Variants in SNX7 observed in about 807,000 individuals in gnomAD.
SNX7 encodes sorting nexin 7, also known as sorting nexin-7.
In SNX7, 35 loss-of-function variants were observed where a neutral mutation model predicts 48.4. The observed-to-expected ratio is 0.72, with a 90% CI of 0.55 to 0.96. The LOEUF (loss-of-function observed/expected upper bound fraction) is 0.96. Ranked by LOEUF, SNX7 falls within the 40% of genes least tolerant of loss-of-function variation. The pLI, the probability that SNX7 is intolerant of heterozygous loss-of-function variation, is 0.00. For missense variants in SNX7, 553 were observed against 548.9 expected (o/e 1.01, Z -0.07); for synonymous variants, 190 against 190.2 (o/e 1.00, Z 0.01).
At chr1:98,709,139 A>G (rs1652170251) in intron 7 of SNX7, among the ~76,000 whole-genome samples, 1 of 152,186 alleles carries the variant, frequency 6.6e-6, no homozygotes, top group Non-Finnish European at 1.5e-5. Context: ...TGCCTTCCGT[A>G]GAGTGTTGTT....
intron 8 of SNX7, among the ~76,000 whole-genome samples, chr1:98,755,975 C>T (rs75117614): frequency 1.4e-4 from 22 of 151,984 alleles, no homozygotes; most frequent in African/African-American, 5.3e-4. Context: ...TTTGTTCTGT[C>T]TGTACATTGT....
Position 98,701,864 on chromosome 1 carries a change from A to C in SNX7, c.1086A>C (p.Lys362Asn). The C allele has an allele frequency of 6.2e-7, 1 of 1,611,552 alleles. No homozygotes were observed. The highest frequency in any genetic ancestry group is 1.3e-5 in the African/African-American group (1 of 74,934). ...RDQIQAELDS[K>N]VEVLTYKKAD... ...AAATACAAGCAGAACTGGATTCCAA[A>C]GTTGAAGTTTTGACCTATAAAAAGG... The change falls in exon 7 of 9, where the codon AAA (lysine) becomes AAC (asparagine). Residue 362 changes from lysine (K) to asparagine (N), a missense_variant. Coordinates refer to ENST00000306121, the MANE Select transcript of SNX7 (RefSeq NM_015976.5).
intron 7 of SNX7, among the ~76,000 whole-genome samples, chr1:98,704,761 G>A (rs1651930719): frequency 6.6e-6 from 1 of 152,140 alleles, no homozygotes; most frequent in Non-Finnish European, 1.5e-5. Context: ...CATTTCTATG[G>A]AGACATTGGG....
At chr1:98,725,722 A>G (rs1400792793) in intron 7 of SNX7, among the ~76,000 whole-genome samples, 1 of 152,064 alleles carries the variant, frequency 6.6e-6, no homozygotes, top group East Asian at 1.9e-4. Context: ...TAGGGTATTT[A>G]CATTCCATAA....
chr1:98,711,707 A>T (rs1410371143), intron 7 of SNX7, among the ~76,000 whole-genome samples: 1 of 152,172 alleles, frequency 6.6e-6, no homozygotes, highest in African/African-American at 2.4e-5. Flanking sequence ...GTGTTGGTTG[A>T]TGAAGATTGG....
intron 7 of SNX7, among the ~76,000 whole-genome samples, chr1:98,702,275 T>G (rs1478074208): frequency 6.6e-6 from 1 of 152,164 alleles, no homozygotes; most frequent in Non-Finnish European, 1.5e-5. Context: ...TTATATACAT[T>G]AATGTTCCTG....
chr1:98,725,455 A>AG (rs1653113639), intron 7 of SNX7, among the ~76,000 whole-genome samples: 1 of 152,190 alleles, frequency 6.6e-6, no homozygotes. Context: ...ACATTTCACA[A>AG]GGGGGCACTG....
intron 7 of SNX7, among the ~76,000 whole-genome samples, chr1:98,719,114 A>G (rs554725619): frequency 2.8e-4 from 42 of 152,304 alleles, no homozygotes; most frequent in Middle Eastern, 6.8e-3. Context: ...GATCTTGAGC[A>G]AATTAGCTAA....
At chr1:98,684,262 T>C (rs1228599084) in intron 1 of SNX7, among the ~76,000 whole-genome samples, 2 of 152,224 alleles carry the variant, frequency 1.3e-5, no homozygotes, top group Non-Finnish European at 2.9e-5. Flanking sequence ...ATAGTTTTTT[T>C]CTTCTTATTC....
At chr1:98,662,553 T>C in intron 1 of SNX7, 1 of 739,412 alleles carries the variant, frequency 1.4e-6, no homozygotes, top group East Asian at 6.9e-5. Flanking sequence ...CCCCGGGAAA[T>C]TTAGGACCAA....
At chr1:98,670,993 G>A (rs905597354) in intron 1 of SNX7, among the ~76,000 whole-genome samples, 1 of 152,052 alleles carries the variant, frequency 6.6e-6, no homozygotes, top group African/African-American at 2.4e-5. Flanking sequence ...ACTCTAAAAA[G>A]AATACTTTAT....
intron 2 of SNX7, among the ~76,000 whole-genome samples, chr1:98,685,999 A>G (rs1471897573): frequency 6.6e-6 from 1 of 152,126 alleles, no homozygotes; most frequent in Non-Finnish European, 1.5e-5. Flanking sequence ...CCTCACATTC[A>G]GTACCTTGCT....
At chr1:98,664,961 A>C (rs2100898650) in intron 1 of SNX7, among the ~76,000 whole-genome samples, 1 of 152,326 alleles carries the variant, frequency 6.6e-6, no homozygotes, top group East Asian at 1.9e-4. Context: ...GCTTCCAAAA[A>C]ATTTAACTGG....
At chr1:98,735,795 C>T (rs1186491055) in intron 7 of SNX7, among the ~76,000 whole-genome samples, 1 of 152,122 alleles carries the variant, frequency 6.6e-6, no homozygotes, top group Non-Finnish European at 1.5e-5. Flanking sequence ...AGGGCTTCAA[C>T]AGATAGTCTT....
At chr1:98,701,964 C>A in intron 7 of SNX7, 61 bp downstream of exon 7, 3 of 1,161,038 alleles carry the variant, frequency 2.6e-6, no homozygotes, top group Admixed American at 1.9e-5. Context: ...TTTTTATTAG[C>A]AATGTCCTTA....
intron 2 of SNX7, among the ~76,000 whole-genome samples, chr1:98,688,644 T>C (rs1271715716): frequency 6.6e-6 from 1 of 152,206 alleles, no homozygotes; most frequent in Non-Finnish European, 1.5e-5. Flanking sequence ...ATTTTTGGAA[T>C]AAATGCTTTT....
intron 7 of SNX7, among the ~76,000 whole-genome samples, chr1:98,725,053 A>G (rs1359612051): frequency 6.6e-6 from 1 of 152,182 alleles, no homozygotes; most frequent in East Asian, 1.9e-4. Flanking sequence ...TTTCTATGGT[A>G]TAGGAAAGTT....
intron 8 of SNX7, among the ~76,000 whole-genome samples, chr1:98,745,474 G>A (rs527705581): frequency 3.5e-4 from 53 of 152,062 alleles, no homozygotes; most frequent in South Asian, 1.2e-3. Flanking sequence ...GGAGACAGAC[G>A]CCCTGATGGT....
At chr1:98,733,523 C>T (rs976266252) in intron 7 of SNX7, among the ~76,000 whole-genome samples, 1 of 152,178 alleles carries the variant, frequency 6.6e-6, no homozygotes, top group Non-Finnish European at 1.5e-5. Context: ...TCTTCACCTA[C>T]TCGTACTCTA....
Sources: allele counts gnomAD v4.1 joint callset (sites outside exome capture counted in the v4.1 genomes callset), GRCh38; gene constraint gnomAD v4.1.1; transcripts MANE v1.5; gene names NCBI Gene and HGNC (gene_info 2026-07-23, HGNC 2026-07-21).